The following ATG5 variants were observed in gnomAD, a reference collection of about 807,000 sequenced individuals.
The protein encoded by ATG5 is autophagy related 5.
ATG5 carries 14 observed loss-of-function variants against 36.5 expected under a neutral mutation model. The observed-to-expected ratio is 0.38, with a 90% CI of 0.25 to 0.60. ATG5 has a LOEUF of 0.60. ATG5 is among the 20% of genes least tolerant of loss of function. The pLI is 0.60. For missense variants in ATG5, 195 were observed against 326.7 expected (o/e 0.60, Z 3.11); for synonymous variants, 95 against 101.5 (o/e 0.94, Z 0.38).
intron 6 of ATG5, among the ~76,000 whole-genome samples, chr6:106,216,057 A>C (rs1418789011): frequency 6.6e-6 from 1 of 152,228 alleles, no homozygotes; most frequent in Non-Finnish European, 1.5e-5. Flanking sequence ...ATACTCCTTC[A>C]TACCCACTAA....
intron 6 of ATG5, among the ~76,000 whole-genome samples, chr6:106,224,157 C>G (rs1441061920): frequency 1.3e-5 from 2 of 152,182 alleles, no homozygotes; most frequent in Non-Finnish European, 1.5e-5. Flanking sequence ...TTAACAGAGT[C>G]AGATAATAAA....
intron 5 of ATG5, among the ~76,000 whole-genome samples, chr6:106,276,631 A>C (rs1779668081): frequency 2.0e-5 from 3 of 152,222 alleles, no homozygotes; most frequent in South Asian, 4.1e-4. Context: ...TCAGTTTTAG[A>C]ATCCTCTGCT....
At chr6:106,200,756 G>T (rs188129978) in intron 7 of ATG5, among the ~76,000 whole-genome samples, 1 of 152,014 alleles carries the variant, frequency 6.6e-6, no homozygotes, top group South Asian at 2.1e-4. Context: ...CTAGGATTAC[G>T]CGTGAGCCAC....
chr6:106,238,042 A>G (rs942289261), intron 6 of ATG5, among the ~76,000 whole-genome samples: 1 of 152,260 alleles, frequency 6.6e-6, no homozygotes, highest in African/African-American at 2.4e-5. Flanking sequence ...TGTCTTTAAC[A>G]TACCAGTATT....
chr6:106,275,044 C>T (rs1014550693), intron 5 of ATG5, among the ~76,000 whole-genome samples: 4 of 152,168 alleles, frequency 2.6e-5, no homozygotes, highest in Non-Finnish European at 5.9e-5. Context: ...TCACTAGCCC[C>T]TAGCATAATG....
At position 106,280,287 on chromosome 6, in the gene ATG5, AAAAG is replaced by A. The variant is rs1192507245; in HGVS notation, c.316-468_316-465del. ...AAAGTATTATGTCAAAAAAAAAAAA[AAAAG>A]AAAGAAAAGAAAAAAGTATTATGTC... On this transcript the variant is annotated intron_variant, in intron 4 of 7. Transcript: ENST00000369076. 6.6e-5 allele frequency among the ~76,000 whole-genome samples: 10 copies of A among 151,822 alleles called. No homozygotes were observed. The South Asian group carries it at 8.3e-4, about 13-fold the overall frequency.
intron 6 of ATG5, among the ~76,000 whole-genome samples, chr6:106,240,671 T>G (rs184806690): frequency 5.6e-4 from 85 of 152,200 alleles, no homozygotes; most frequent in Admixed American, 4.8e-3. Flanking sequence ...CTGGCAATTT[T>G]TTTTTTAATC....
chr6:106,252,786 A>G (rs1778647788), intron 5 of ATG5, among the ~76,000 whole-genome samples: 1 of 152,230 alleles, frequency 6.6e-6, no homozygotes, highest in African/African-American at 2.4e-5. Flanking sequence ...CTCCACATGC[A>G]TACACTATTC....
intron 6 of ATG5, among the ~76,000 whole-genome samples, chr6:106,235,743 T>C (rs1179214987): frequency 2.7e-5 from 4 of 150,198 alleles, no homozygotes; most frequent in Non-Finnish European, 3.0e-5. Context: ...CGGCAACGGC[T>C]ACCTTCTTTG....
At chr6:106,207,830 A>G (rs373917490) in intron 6 of ATG5, among the ~76,000 whole-genome samples, 4 of 152,176 alleles carry the variant, frequency 2.6e-5, no homozygotes, top group East Asian at 3.9e-4. Flanking sequence ...GTGGTGGCTC[A>G]TGCCTGTAAT....
At chr6:106,191,137 A>G (rs1256192789) in intron 7 of ATG5, among the ~76,000 whole-genome samples, 1 of 152,196 alleles carries the variant, frequency 6.6e-6, no homozygotes, top group Non-Finnish European at 1.5e-5. Context: ...AAGAATATAT[A>G]CATATATATG....
chr6:106,260,848 T>C (rs1778990972), intron 5 of ATG5, among the ~76,000 whole-genome samples: 1 of 152,196 alleles, frequency 6.6e-6, no homozygotes, highest in Non-Finnish European at 1.5e-5. Context: ...TTCATCACTA[T>C]AGCCACTAAT....
intron 6 of ATG5, among the ~76,000 whole-genome samples, chr6:106,245,397 A>C (rs1271339038): frequency 6.6e-6 from 1 of 152,214 alleles, no homozygotes; most frequent in African/African-American, 2.4e-5. Context: ...TGTTCTGAAA[A>C]TTCTACAAAC....
chr6:106,237,915 AAAG>A (rs1409936637), intron 6 of ATG5, among the ~76,000 whole-genome samples: 1 of 152,194 alleles, frequency 6.6e-6, no homozygotes, highest in Non-Finnish European at 1.5e-5. Flanking sequence ...TACATTTACT[AAAG>A]AAGACTTCTT....
At chr6:106,263,183 G>A (rs999251535) in intron 5 of ATG5, among the ~76,000 whole-genome samples, 1 of 152,180 alleles carries the variant, frequency 6.6e-6, no homozygotes, top group East Asian at 1.9e-4. Context: ...CATTACTGAG[G>A]CTTTACTAGG....
intron 5 of ATG5, among the ~76,000 whole-genome samples, chr6:106,264,273 A>G (rs1376531372): frequency 6.6e-6 from 1 of 152,226 alleles, no homozygotes. Context: ...ACTGAAAAAA[A>G]GTATGAACAC....
chr6:106,263,489 G>T (rs1379542016), intron 5 of ATG5, among the ~76,000 whole-genome samples: 1 of 152,224 alleles, frequency 6.6e-6, no homozygotes, highest in Non-Finnish European at 1.5e-5. Context: ...GATTCTCCCA[G>T]CACAGAACAC....
chr6:106,201,913 T>G, intron 7 of ATG5, 59 bp downstream of exon 7: 1 of 1,305,396 alleles, frequency 7.7e-7, no homozygotes, highest in Non-Finnish European at 1.1e-6. Flanking sequence ...TGTGGAATGC[T>G]TATTTTACTT....
At chr6:106,276,580 T>A (rs1779665815) in intron 5 of ATG5, among the ~76,000 whole-genome samples, 1 of 152,008 alleles carries the variant, frequency 6.6e-6, no homozygotes, top group Non-Finnish European at 1.5e-5. Flanking sequence ...ATCATTATCC[T>A]CCATACCCAA....
Sources: allele counts gnomAD v4.1 joint callset (sites outside exome capture counted in the v4.1 genomes callset), GRCh38; gene constraint gnomAD v4.1.1; transcripts MANE v1.5; gene names NCBI Gene and HGNC (gene_info 2026-07-23, HGNC 2026-07-21).